The following PTPRD variants were observed in gnomAD, a reference collection of about 807,000 sequenced individuals.
PTPRD encodes receptor-type tyrosine-protein phosphatase delta.
Under a neutral mutation model 214.5 loss-of-function variants are expected in PTPRD, and 34 were observed. The observed-to-expected ratio is 0.16, with a 90% CI of 0.12 to 0.21. The LOEUF is 0.21. Ranked by LOEUF, PTPRD falls within the 10% of genes least tolerant of loss-of-function variation. PTPRD has a pLI of 1.00. For synonymous variants in PTPRD, 1,128 were observed against 845.7 expected (o/e 1.33, Z -5.79); for missense variants, 2,545 against 2,398.7 (o/e 1.06, Z -1.27).
At chr9:10,143,466 C>G (rs968315091) in intron 3 of PTPRD, among the ~76,000 whole-genome samples, 2 of 151,910 alleles carry the variant, frequency 1.3e-5, no homozygotes, top group Non-Finnish European at 2.9e-5. Context: ...TGGTGGGGAT[C>G]TAACTTAGTT....
intron 3 of PTPRD, among the ~76,000 whole-genome samples, chr9:10,279,670 A>G (rs1184782052): frequency 1.3e-5 from 2 of 151,738 alleles, no homozygotes; most frequent in African/African-American, 4.8e-5. Flanking sequence ...ACTATATGCT[A>G]GACACTATGC....
intron 5 of PTPRD, among the ~76,000 whole-genome samples, chr9:9,895,136 T>C (rs2074589185): frequency 6.6e-6 from 1 of 152,052 alleles, no homozygotes; most frequent in African/African-American, 2.4e-5. Context: ...ACTATAAAAA[T>C]GAAAATTGTC....
intron 33 of PTPRD, among the ~76,000 whole-genome samples, chr9:8,457,682 G>T (rs535842795): frequency 6.4e-4 from 97 of 152,142 alleles, no homozygotes; most frequent in African/African-American, 2.2e-3. Context: ...CATCTTAGAA[G>T]CAGAGATATA....
intron 5 of PTPRD, among the ~76,000 whole-genome samples, chr9:9,860,953 A>G (rs1023791039): frequency 6.6e-6 from 1 of 152,260 alleles, no homozygotes; most frequent in Non-Finnish European, 1.5e-5. Flanking sequence ...GGAAAAAGCT[A>G]AAATTGTGTA....
intron 5 of PTPRD, among the ~76,000 whole-genome samples, chr9:9,784,051 G>T (rs2098893594): frequency 6.6e-6 from 1 of 152,058 alleles, no homozygotes; most frequent in Admixed American, 6.5e-5. Flanking sequence ...AATGTAATTT[G>T]CATCAATATG....
intron 11 of PTPRD, among the ~76,000 whole-genome samples, chr9:8,751,648 T>C (rs1195915368): frequency 1.3e-5 from 2 of 152,194 alleles, no homozygotes; most frequent in Non-Finnish European, 2.9e-5. Flanking sequence ...AATTAGCTTT[T>C]CAGTCTTAGT....
At chr9:9,682,544 G>T (rs1426318428) in intron 7 of PTPRD, among the ~76,000 whole-genome samples, 2 of 151,656 alleles carry the variant, frequency 1.3e-5, no homozygotes, top group Admixed American at 6.6e-5. Context: ...TGCAAGTGTG[G>T]GTCCTTATGG....
intron 9 of PTPRD, among the ~76,000 whole-genome samples, chr9:9,249,641 T>G (rs941691211): frequency 6.6e-6 from 1 of 152,100 alleles, no homozygotes; most frequent in Non-Finnish European, 1.5e-5. Flanking sequence ...TTGTCCAACT[T>G]TATTTGAACA....
intron 5 of PTPRD, among the ~76,000 whole-genome samples, chr9:9,837,397 T>C (rs961289905): frequency 3.3e-5 from 5 of 152,114 alleles, no homozygotes; most frequent in African/African-American, 7.2e-5. Context: ...CTAGAACCAA[T>C]TGCATTTTAG....
At chr9:9,559,570 G>A (rs2082378246) in intron 8 of PTPRD, among the ~76,000 whole-genome samples, 1 of 152,172 alleles carries the variant, frequency 6.6e-6, no homozygotes, top group African/African-American at 2.4e-5. Context: ...CAGGTAAGAG[G>A]GGCATTGCTG....
chr9:9,306,563 CAAAAAA>C (rs142369340), intron 9 of PTPRD, among the ~76,000 whole-genome samples: 5 of 79,112 alleles, frequency 6.3e-5, no homozygotes, highest in East Asian at 4.1e-4. Flanking sequence ...GACTCCGTCT[CAAAAAA>C]AAAAAAAAAA....
At chr9:8,561,420 G>A (rs895768842) in intron 14 of PTPRD, among the ~76,000 whole-genome samples, 5 of 152,144 alleles carry the variant, frequency 3.3e-5, no homozygotes, top group Non-Finnish European at 7.3e-5. Flanking sequence ...CCCTTCAACT[G>A]TCAGCCTACC....
chr9:8,769,929 T>TA (rs1363538796), intron 11 of PTPRD, among the ~76,000 whole-genome samples: 1 of 151,966 alleles, frequency 6.6e-6, no homozygotes, highest in Non-Finnish European at 1.5e-5. Flanking sequence ...TAAATAGGAA[T>TA]AAGAAATGAT....
intron 11 of PTPRD, among the ~76,000 whole-genome samples, chr9:8,807,201 G>A (rs1400077853): frequency 6.6e-6 from 1 of 152,042 alleles, no homozygotes; most frequent in Non-Finnish European, 1.5e-5. Flanking sequence ...GCCAGGCATG[G>A]TAGTGCATGC....
At chr9:8,408,590 T>G (rs979930321) in intron 35 of PTPRD, among the ~76,000 whole-genome samples, 3 of 152,184 alleles carry the variant, frequency 2.0e-5, no homozygotes, top group African/African-American at 7.2e-5. Context: ...ACGAAATACA[T>G]AAATTATCAC....
At chr9:9,230,627 T>C (rs1345522281) in intron 9 of PTPRD, among the ~76,000 whole-genome samples, 1 of 152,072 alleles carries the variant, frequency 6.6e-6, no homozygotes, top group Non-Finnish European at 1.5e-5. Context: ...GATGTCAGAA[T>C]TGGATTGAAT....
chr9:10,344,168 C>T (rs369793532), intron 2 of PTPRD, among the ~76,000 whole-genome samples: 2 of 151,356 alleles, frequency 1.3e-5, no homozygotes, highest in African/African-American at 4.9e-5. Flanking sequence ...TTAGGTCTTA[C>T]ATTTAAGTCT....
intron 2 of PTPRD, among the ~76,000 whole-genome samples, chr9:10,578,446 A>T (rs1044669547): frequency 2.6e-5 from 4 of 152,172 alleles, no homozygotes; most frequent in African/African-American, 9.7e-5. Flanking sequence ...TTCATGTTAT[A>T]CAAAAATGCA....
At chr9:9,539,247 C>G (rs1323727804) in intron 8 of PTPRD, among the ~76,000 whole-genome samples, 1 of 151,738 alleles carries the variant, frequency 6.6e-6, no homozygotes, top group African/African-American at 2.4e-5. Context: ...GAATCAGTGG[C>G]AGGTACCTAG....
Sources: allele counts gnomAD v4.1 joint callset (sites outside exome capture counted in the v4.1 genomes callset), GRCh38; gene constraint gnomAD v4.1.1; transcripts MANE v1.5; gene names NCBI Gene and HGNC (gene_info 2026-07-23, HGNC 2026-07-21).